The following SVIL variants were observed in gnomAD, a reference collection of about 807,000 sequenced individuals.
SVIL encodes the protein supervillin.
Under a neutral mutation model 240.4 loss-of-function variants are expected in SVIL, and 101 were observed. The observed-to-expected ratio is 0.42, with a 90% CI of 0.36 to 0.50. The LOEUF (loss-of-function observed/expected upper bound fraction) is 0.50, where lower values mean the gene tolerates loss of function less well. Ranked by LOEUF, SVIL falls within the 20% of genes least tolerant of loss-of-function variation. The probability of loss-of-function intolerance (pLI) is 0.01; values close to 1 mark genes in which losing one functional copy is unlikely to be tolerated. For missense variants in SVIL, 2,512 were observed against 2,818.7 expected, an observed-to-expected ratio of 0.89 and a Z score of 2.46; for synonymous variants, 999 against 1,100.0, an observed-to-expected ratio of 0.91 and a Z score of 1.82.
intron 17 of SVIL, among the ~76,000 whole-genome samples, chr10:29,511,293 C>A (rs1224699607): frequency 2.8e-5 from 4 of 141,514 alleles, no homozygotes; most frequent in African/African-American, 8.0e-5. Context: ...GGCAGTGCAC[C>A]CATTTCACTA....
At chr10:29,731,664 T>A (rs9783134) in intron 1 of SVIL, among the ~76,000 whole-genome samples, 117,637 of 150,534 alleles carry the variant, frequency 0.78, 45,831 homozygotes, top group East Asian at 0.89. Flanking sequence ...TTATTTGGAT[T>A]AAAAAAAAAT....
chr10:29,522,716 C>T, intron 15 of SVIL, 81 bp from the exon 16 acceptor site: 1 of 1,473,092 alleles, frequency 6.8e-7, no homozygotes, highest in Non-Finnish European at 9.2e-7. Flanking sequence ...CAGTGCAGCT[C>T]TCAGGGTTCA....
chr10:29,669,889 G>A (rs1229447462), intron 2 of SVIL, among the ~76,000 whole-genome samples: 4 of 152,142 alleles, frequency 2.6e-5, no homozygotes, highest in Non-Finnish European at 1.5e-5. Context: ...TGAGATGAGA[G>A]GATCACTTTA....
In SVIL at chr10:29,569,331, T is replaced by C; in HGVS notation, c.-200-19A>G. Reference sequence around the variant, plus strand: ...TTGAAATCTAAGGGAAAAGAAATAATGTAACATTGAAATAGTTATGCAAAT... The same window carrying C: ...TTGAAATCTAAGGGAAAAGAAATAACGTAACATTGAAATAGTTATGCAAAT... On this transcript the variant is annotated intron_variant, in intron 1 of 37. Transcript: ENST00000355867. The C allele has an allele frequency of 1.0e-6, 1 of 978,126 alleles. No individual in the cohort carries two copies. Among genetic ancestry groups the C allele is most frequent in the Non-Finnish European group, 1.2e-6 (1 of 822,920 alleles). The allele number at this position is 978,126 out of a possible 1,614,324, so 60.6% of individuals were successfully genotyped here.
chr10:29,543,857 T>C (rs1952388995), intron 6 of SVIL, among the ~76,000 whole-genome samples: 1 of 152,170 alleles, frequency 6.6e-6, no homozygotes, highest in South Asian at 2.1e-4. Flanking sequence ...AGCCAACCCT[T>C]CACAGGGCAG....
At chr10:29,678,981 G>C (rs1960414542) in intron 2 of SVIL, among the ~76,000 whole-genome samples, 1 of 152,154 alleles carries the variant, frequency 6.6e-6, no homozygotes, top group African/African-American at 2.4e-5. Context: ...TGAGGTAGGT[G>C]GATCAACAGA....
At chr10:29,498,195 A>G (rs1426818978) in intron 18 of SVIL, among the ~76,000 whole-genome samples, 1 of 150,828 alleles carries the variant, frequency 6.6e-6, no homozygotes, top group Admixed American at 6.7e-5. Context: ...AAGCGGGTGG[A>G]TCACCTGAGG....
intron 23 of SVIL, 168 bp from the exon 24 acceptor site, chr10:29,487,467 A>G: frequency 1.4e-6 from 1 of 720,152 alleles, no homozygotes; most frequent in Non-Finnish European, 2.2e-6. Context: ...AAAGGGCATG[A>G]TGATGGCACT....
Position 29,531,234 on chromosome 10 carries a change from A to G in SVIL, c.2044+20T>C. ...TAGATGAGATAATAAAGAAGAAAAA[A>G]AAGGGAAACAGGTACTTGCCATCGA... On this transcript the variant is annotated intron_variant, in intron 10 of 37. Coordinates refer to ENST00000355867, the MANE Select transcript of SVIL (RefSeq NM_021738.3). 1 of 1,613,036 alleles carries G rather than the reference A, an allele frequency of 6.2e-7. No individual in the cohort carries two copies. Among genetic ancestry groups the G allele is most frequent in the Admixed American group, 1.7e-5 (1 of 59,878 alleles).
rs1474117411 is a variant in SVIL at position 29,529,191 on chromosome 10, A to G, written c.2246+514T>C. 2.3e-3 allele frequency among the ~76,000 whole-genome samples: 348 copies of G among 150,318 alleles called. 5 individuals are homozygous for G. Among genetic ancestry groups the G allele is most frequent in the African/African-American group, 8.1e-3 (332 of 41,104 alleles). ...ACTCTCTCTCAAAAAAAAAAAAAAAAAAAAAAAAAAAAGAAAAAAAGAAAA... is the reference window on the plus strand; with the variant it reads ...ACTCTCTCTCAAAAAAAAAAAAAAAGAAAAAAAAAAAAGAAAAAAAGAAAA... On this transcript the variant is annotated intron_variant, in intron 12 of 37. Coordinates refer to ENST00000355867, the MANE Select transcript of SVIL (RefSeq NM_021738.3).
Position 29,532,705 on chromosome 10 carries a change from G to C in SVIL, c.1662C>G (p.Pro554=). The C allele has an allele frequency of 1.9e-6, 3 of 1,614,202 alleles. No homozygotes were observed. Among genetic ancestry groups the C allele is most frequent in the East Asian group, 2.2e-5 (1 of 44,874 alleles). The part of the protein sequence containing the change: ...RTRSLSDFTG[P]PQLQALKYKD... ...TATACTTCAAGGCCTGGAGCTGAGG[G>C]GGGCCTGTGAAATCTGACAGAGAGC... is the stretch of plus-strand genomic sequence containing the variant. Residue 554 remains proline, a synonymous_variant, in exon 8 of 38, where the codon CCC becomes CCG. Transcript: ENST00000355867.
upstream of SVIL, among the ~76,000 whole-genome samples, chr10:29,635,492 C>T (rs555049315): frequency 2.6e-5 from 4 of 152,228 alleles, no homozygotes; most frequent in Admixed American, 6.5e-5. Context: ...AGTACTTTCT[C>T]GAAAATGACA....
intron 16 of SVIL, among the ~76,000 whole-genome samples, chr10:29,520,678 T>C (rs1168384199): frequency 6.6e-6 from 1 of 151,196 alleles, no homozygotes; most frequent in Non-Finnish European, 1.5e-5. Context: ...AAGGCTGAGG[T>C]GGGAGGACTG....
Position 29,470,405 on chromosome 10 carries a change from C to A in SVIL, c.5714G>T (p.Ser1905Ile). The part of the protein sequence containing the change: ...NLLEVACHCS[S>I]LRSRTSMVVL... The stretch of plus-strand genomic sequence containing the variant: ...CACCATGGAAGTTCTGGACCTCAGG[C>A]TGCTACAGTGACAGGCCACTTCCAG... The change falls in exon 32 of 38, where the codon AGC (serine) becomes ATC (isoleucine). Residue 1905 changes from serine to isoleucine, a missense_variant. This residue lies in a region of SVIL where 797 missense variants were observed against 925.3 expected (regional missense o/e 0.86). Transcript: ENST00000355867. The A allele has an allele frequency of 6.2e-7, 1 of 1,614,252 alleles. No homozygotes were observed. The highest frequency in any genetic ancestry group is 8.5e-7 in the Non-Finnish European group (1 of 1,180,048).
chr10:29,480,509 C>G, intron 29 of SVIL, 28 bp downstream of exon 29: 1 of 1,606,212 alleles, frequency 6.2e-7, no homozygotes, highest in South Asian at 1.1e-5. Context: ...CCTCTTTCAG[C>G]TGGAAAAAAC....
Position 29,486,398 on chromosome 10 carries a change from A to T in SVIL, c.4633+12T>A. ...AAGTCTCGTCAATCTCTGAAGTACAATGAAGTCTTACATTGGTAACTGGTT... is the reference window on the plus strand; with the variant it reads ...AAGTCTCGTCAATCTCTGAAGTACATTGAAGTCTTACATTGGTAACTGGTT... On this transcript the variant is annotated intron_variant, in intron 25 of 37. Coordinates refer to ENST00000355867, the MANE Select transcript of SVIL (RefSeq NM_021738.3). The T allele has an allele frequency of 6.2e-7, 1 of 1,613,928 alleles. No individual in the cohort carries two copies. The highest frequency in any genetic ancestry group is 8.5e-7 in the Non-Finnish European group (1 of 1,179,980).
chr10:29,653,229 G>C (rs772081149), intron 3 of SVIL, among the ~76,000 whole-genome samples: 6 of 152,152 alleles, frequency 3.9e-5, no homozygotes, highest in Admixed American at 3.9e-4. Context: ...GATCGTGGGG[G>C]CAAACTTCCC....
intron 29 of SVIL, 139 bp downstream of exon 29, chr10:29,480,398 C>G: frequency 9.5e-7 from 1 of 1,054,998 alleles, no homozygotes. Flanking sequence ...TACTAGGTGG[C>G]TCTCAAAGGC....
chr10:29,467,050 G>A (rs925239061), intron 33 of SVIL, among the ~76,000 whole-genome samples: 2 of 152,124 alleles, frequency 1.3e-5, no homozygotes, highest in African/African-American at 2.4e-5. Context: ...TTGTACTAAC[G>A]GAGTTACTAT....
Sources: allele counts gnomAD v4.1 joint callset (sites outside exome capture counted in the v4.1 genomes callset), GRCh38; gene constraint gnomAD v4.1.1; regional missense constraint gnomAD v4.1.1; transcripts MANE v1.5; gene names NCBI Gene and HGNC (gene_info 2026-07-23, HGNC 2026-07-21).